The following MCU variants were observed in gnomAD, a reference collection of about 807,000 sequenced individuals.
MCU encodes mitochondrial calcium uniporter.
Under a neutral mutation model 45.2 loss-of-function variants are expected in MCU, and 12 were observed. That is an observed-to-expected ratio of 0.27 (90% CI 0.17 to 0.43). MCU has a LOEUF of 0.43. Ranked by LOEUF, MCU falls within the 20% of genes least tolerant of loss-of-function variation. The pLI, the probability that MCU is intolerant of heterozygous loss-of-function variation, is 1.00. For missense variants in MCU, 324 were observed against 436.7 expected, an observed-to-expected ratio of 0.74 and a Z score of 2.30; for synonymous variants, 160 against 165.1, an observed-to-expected ratio of 0.97 and a Z score of 0.24.
At chr10:72,810,363 T>C (rs1209106674) in intron 1 of MCU, among the ~76,000 whole-genome samples, 1 of 151,962 alleles carries the variant, frequency 6.6e-6, no homozygotes, top group Non-Finnish European at 1.5e-5. Context: ...TCTGAACAAC[T>C]TCTGTAGGGA....
At chr10:72,752,820 A>G (rs1843522214) in intron 1 of MCU, among the ~76,000 whole-genome samples, 1 of 152,196 alleles carries the variant, frequency 6.6e-6, no homozygotes, top group African/African-American at 2.4e-5. Context: ...AAATATCCCA[A>G]ACATTACAGT....
intron 1 of MCU, among the ~76,000 whole-genome samples, chr10:72,816,748 C>T (rs1324564414): frequency 5.9e-5 from 9 of 152,138 alleles, no homozygotes; most frequent in Non-Finnish European, 1.0e-4. Flanking sequence ...ACACAGGAGA[C>T]GTTATCTCAG....
At chr10:72,748,390 A>G (rs934354939) in intron 1 of MCU, among the ~76,000 whole-genome samples, 1 of 152,236 alleles carries the variant, frequency 6.6e-6, no homozygotes, top group African/African-American at 2.4e-5. Flanking sequence ...TTAAGTGCTC[A>G]GTAGAGCGTG....
chr10:72,868,510 C>T (rs1400157658), intron 4 of MCU, among the ~76,000 whole-genome samples, 193 bp from the exon 5 acceptor site: 2 of 151,326 alleles, frequency 1.3e-5, no homozygotes, highest in African/African-American at 4.9e-5. Context: ...CAAGATCACA[C>T]CACTGCACTC....
In MCU at chr10:72,805,675, A is replaced by G. The variant is rs191533035; in HGVS notation, c.151-28684A>G. Among the ~76,000 whole-genome samples the G allele has an allele frequency of 3.0e-4, 45 of 152,112 alleles. No homozygotes were observed. The East Asian group carries it at 8.3e-3, about 28-fold the overall frequency. On this transcript the variant is annotated intron_variant, in intron 1 of 7. Coordinates refer to ENST00000373053, the MANE Select transcript of MCU (RefSeq NM_138357.3). ...TTTATTTGTTGAATAAACCAATTCA[A>G]CTGTGCTATAGAAAGTCCCTGTGGA...
chr10:72,731,818 T>C (rs2132685575), intron 1 of MCU, among the ~76,000 whole-genome samples: 1 of 152,360 alleles, frequency 6.6e-6, no homozygotes, highest in African/African-American at 2.4e-5. Context: ...TAAACAATAA[T>C]GATGGATATA....
At chr10:72,696,383 T>C (rs1185448029) in intron 1 of MCU, among the ~76,000 whole-genome samples, 1 of 151,856 alleles carries the variant, frequency 6.6e-6, no homozygotes, top group African/African-American at 2.4e-5. Flanking sequence ...TGGAGACAGA[T>C]TCAATAATTC....
chr10:72,868,876 A>G lies in MCU; in HGVS notation c.657+13A>G, dbSNP rs765739740. The G allele has an allele frequency of 2.5e-6, 4 of 1,610,902 alleles. No homozygotes were observed. The African/African-American group carries it at 5.4e-5, about 22-fold the overall frequency. ...TCCCCTGGAAAAGGTAAAACTTCCA[A>G]TCTCAGGTTTTTTACCTTAACCTGT... On this transcript the variant is annotated intron_variant, in intron 5 of 7. Transcript: ENST00000373053.
chr10:72,731,169 C>T (rs1843168421), intron 1 of MCU: 1 of 152,136 alleles, frequency 6.6e-6, no homozygotes, highest in African/African-American at 2.4e-5. Flanking sequence ...GAATTGTCCG[C>T]AAGTGATCCT....
chr10:72,768,193 A>G (rs1444934173), intron 1 of MCU, among the ~76,000 whole-genome samples: 2 of 152,212 alleles, frequency 1.3e-5, no homozygotes, highest in African/African-American at 4.8e-5. Flanking sequence ...AAATTGTCAT[A>G]GAATCTTTCT....
At chr10:72,824,126 C>T (rs966884205) in intron 1 of MCU, among the ~76,000 whole-genome samples, 6 of 151,762 alleles carry the variant, frequency 4.0e-5, no homozygotes, top group Non-Finnish European at 5.9e-5. Context: ...GTTGTTCTTA[C>T]GGTATTCCTA....
At chr10:72,865,263 G>T (rs1845435846) in intron 4 of MCU, among the ~76,000 whole-genome samples, 1 of 152,142 alleles carries the variant, frequency 6.6e-6, no homozygotes, top group African/African-American at 2.4e-5. Flanking sequence ...AGGAACTCTG[G>T]AATATCTACC....
chr10:72,773,855 C>G (rs1464926359), intron 1 of MCU, among the ~76,000 whole-genome samples: 2 of 152,082 alleles, frequency 1.3e-5, no homozygotes, highest in Non-Finnish European at 2.9e-5. Flanking sequence ...AAAACTGCCA[C>G]CCAAGAATAT....
At chr10:72,825,914 A>T (rs925590414) in intron 1 of MCU, among the ~76,000 whole-genome samples, 2 of 152,184 alleles carry the variant, frequency 1.3e-5, no homozygotes, top group African/African-American at 4.8e-5. Flanking sequence ...TAGAGATGAG[A>T]CTAGAATCTA....
At chr10:72,794,483 C>T (rs1464286102) in intron 1 of MCU, among the ~76,000 whole-genome samples, 1 of 152,160 alleles carries the variant, frequency 6.6e-6, no homozygotes, top group Non-Finnish European at 1.5e-5. Context: ...CTTGATTCTG[C>T]ATAAAAGTAG....
intron 1 of MCU, among the ~76,000 whole-genome samples, chr10:72,805,101 C>CTTTTTCTT (rs1554824914): frequency 2.9e-5 from 3 of 103,454 alleles, no homozygotes; most frequent in Admixed American, 1.1e-4. Context: ...TTCTTTCTTT[C>CTTTTTCTT]TCTTTCTTTC....
chr10:72,785,180 C>T (rs1163451544), intron 1 of MCU, among the ~76,000 whole-genome samples: 7 of 152,200 alleles, frequency 4.6e-5, no homozygotes, highest in Non-Finnish European at 1.0e-4. Flanking sequence ...GGTGGCTGCT[C>T]CAGCCAAACC....
intron 1 of MCU, among the ~76,000 whole-genome samples, chr10:72,722,606 T>C (rs1843039447): frequency 6.6e-6 from 1 of 151,998 alleles, no homozygotes; most frequent in Non-Finnish European, 1.5e-5. Flanking sequence ...ATAGTTACTT[T>C]TTAAAAATTA....
At chr10:72,818,656 G>A (rs893832446) in intron 1 of MCU, among the ~76,000 whole-genome samples, 2 of 151,846 alleles carry the variant, frequency 1.3e-5, no homozygotes, top group African/African-American at 4.8e-5. Flanking sequence ...CCTGGCCAAC[G>A]TGGTGAAAAC....
Sources: allele counts gnomAD v4.1 joint callset (sites outside exome capture counted in the v4.1 genomes callset), GRCh38; gene constraint gnomAD v4.1.1; transcripts MANE v1.5; gene names NCBI Gene and HGNC (gene_info 2026-07-23, HGNC 2026-07-21).